The following CEP70 variants were observed in gnomAD, a reference collection of about 807,000 sequenced individuals.
CEP70 encodes the protein centrosomal protein 70, also known as centrosomal protein of 70 kDa.
A neutral mutation model predicts 90.9 loss-of-function variants in CEP70; 70 were observed. The ratio of observed to expected loss-of-function variants is 0.77; its 90% CI spans 0.64 to 0.94. The LOEUF (loss-of-function observed/expected upper bound fraction) is 0.94. Among genes scored for constraint, CEP70 ranks in the 40% least tolerant of loss-of-function variants. CEP70 has a pLI of 0.00. For missense variants in CEP70, 648 were observed against 669.0 expected (o/e 0.97, Z 0.35); for synonymous variants, 220 against 228.3 (o/e 0.96, Z 0.33).
intron 6 of CEP70, among the ~76,000 whole-genome samples, chr3:138,543,910 A>G (rs549527260): frequency 6.6e-6 from 1 of 152,108 alleles, no homozygotes; most frequent in African/African-American, 2.4e-5. Context: ...ACAAAAAGTC[A>G]TAATATGATG....
At chr3:138,507,348 C>T (rs978204602) in intron 12 of CEP70, among the ~76,000 whole-genome samples, 1 of 152,080 alleles carries the variant, frequency 6.6e-6, no homozygotes, top group African/African-American at 2.4e-5. Flanking sequence ...GTCATTTCTC[C>T]AAATATTAAT....
Position 138,594,234 on chromosome 3 carries a change from G to C in CEP70, c.-145C>G. On this transcript the variant is annotated 5_prime_UTR_variant, in exon 1 of 18. Coordinates refer to ENST00000264982, the MANE Select transcript of CEP70 (RefSeq NM_024491.4). ...GCCGGCCTCCCACCAGCAGCCAGCC[G>C]GGCCAGGTTAGGCTGGGATCAGCTA... The C allele has an allele frequency of 6.6e-6, 1 of 152,446 alleles. No homozygotes were observed. Among genetic ancestry groups the C allele is most frequent in the African/African-American group, 2.4e-5 (1 of 41,464 alleles). The allele number at this position is 152,446 out of a possible 1,614,324, so 9.4% of individuals were successfully genotyped here.
In CEP70 at chr3:138,573,078, G is replaced by A. The variant is rs949992527; in HGVS notation, c.-5-146C>T. The A allele has an allele frequency of 2.1e-5, 13 of 615,206 alleles. No individual in the cohort carries two copies. The Admixed American group carries it at 3.3e-4, about 15-fold the overall frequency. The allele number at this position is 615,206 out of a possible 1,614,324, so 38.1% of individuals were successfully genotyped here. The stretch of plus-strand genomic sequence containing the variant: ...TTGCAGGGCAATTCAGGTCATTCCT[G>A]CGTCAAAACTTTGTGACTTCTTAGA... On this transcript the variant is annotated intron_variant, in intron 2 of 17. Transcript: ENST00000264982.
chr3:138,529,604 G>A, intron 8 of CEP70, 142 bp from the exon 9 acceptor site: 1 of 615,304 alleles, frequency 1.6e-6, no homozygotes, highest in Non-Finnish European at 2.8e-6. Context: ...ATAGAGAATG[G>A]TATTAGAACA....
chr3:138,540,375 C>T (rs1307515459), intron 6 of CEP70, among the ~76,000 whole-genome samples: 1 of 151,800 alleles, frequency 6.6e-6, no homozygotes, highest in Non-Finnish European at 1.5e-5. Context: ...CCTGTAGTCC[C>T]AGCTACTCAG....
At chr3:138,515,725 C>T (rs12635354) in intron 11 of CEP70, among the ~76,000 whole-genome samples, 6,142 of 152,096 alleles carry the variant, frequency 0.04, 449 homozygotes, top group East Asian at 0.37. Flanking sequence ...TGAAGACTAT[C>T]TATCTCTACG....
At chr3:138,541,051 T>C (rs1187563220) in intron 6 of CEP70, among the ~76,000 whole-genome samples, 1 of 152,112 alleles carries the variant, frequency 6.6e-6, no homozygotes, top group Non-Finnish European at 1.5e-5. Flanking sequence ...TGAGAACTTA[T>C]GAACACAAAG....
intron 2 of CEP70, among the ~76,000 whole-genome samples, chr3:138,586,833 A>G (rs1576957779): frequency 6.6e-6 from 1 of 152,222 alleles, no homozygotes; most frequent in Non-Finnish European, 1.5e-5. Flanking sequence ...AAAGAGAATA[A>G]TTGGATTGTT....
chr3:138,511,763 T>C (rs1214453918), intron 11 of CEP70, among the ~76,000 whole-genome samples: 1 of 152,218 alleles, frequency 6.6e-6, no homozygotes, highest in Non-Finnish European at 1.5e-5. Flanking sequence ...CTAAGCACTT[T>C]ACATGTATTC....
Position 138,537,311 on chromosome 3 carries a change from G to T in CEP70, c.502C>A (p.Gln168Lys), listed in dbSNP as rs768983352. 3.1e-6 allele frequency: 5 copies of T among 1,599,202 alleles called. No individual in the cohort carries two copies. In the Admixed American group the frequency reaches 8.9e-5, roughly 28 times the overall value. The change falls in exon 7 of 18, where the codon CAA (glutamine) becomes AAA (lysine). Residue 168 changes from glutamine (Q) to lysine (K), a missense_variant. Gln to Lys is a moderately conservative substitution (Grantham distance 53). Coordinates refer to ENST00000264982, the MANE Select transcript of CEP70 (RefSeq NM_024491.4). ...TGCAAAGAAGCAATAGTTTCTTCTT[G>T]CTCCGTTCGTTTTTTCTTATAATGC... is the stretch of plus-strand genomic sequence containing the variant. ...CQHYKKKRTE[Q>K]EETIASLQME... is the part of the protein sequence containing the mutation.
chr3:138,540,998 A>T (rs921232720), intron 6 of CEP70, among the ~76,000 whole-genome samples: 1 of 152,240 alleles, frequency 6.6e-6, no homozygotes, highest in African/African-American at 2.4e-5. Context: ...AGAACAGAAA[A>T]CCAAATACTA....
At chr3:138,520,913 A>G (rs1481334196) in intron 11 of CEP70, among the ~76,000 whole-genome samples, 1 of 152,024 alleles carries the variant, frequency 6.6e-6, no homozygotes, top group Non-Finnish European at 1.5e-5. Flanking sequence ...TCCCTGCCTG[A>G]TTCTCCTGCC....
intron 12 of CEP70, among the ~76,000 whole-genome samples, chr3:138,507,954 AC>A: frequency 6.6e-6 from 1 of 152,198 alleles, no homozygotes; most frequent in East Asian, 1.9e-4. Context: ...CAGTCACTAA[AC>A]TACCAGGTTT....
chr3:138,519,710 A>G (rs1478628223), intron 11 of CEP70, among the ~76,000 whole-genome samples: 1 of 152,232 alleles, frequency 6.6e-6, no homozygotes, highest in East Asian at 1.9e-4. Flanking sequence ...AACAACCGGT[A>G]CCAGCCACTG....
At chr3:138,529,527 C>G in intron 8 of CEP70, 65 bp from the exon 9 acceptor site, 1 of 919,586 alleles carries the variant, frequency 1.1e-6, no homozygotes, top group Non-Finnish European at 1.7e-6. Flanking sequence ...ACTAATTAAA[C>G]CAATGTAATG....
chr3:138,530,696 G>A (rs1212952910), intron 8 of CEP70: 4 of 985,168 alleles, frequency 4.1e-6, no homozygotes, highest in Non-Finnish European at 4.8e-6. Flanking sequence ...TCCAAATCTT[G>A]GCCTGGCTTC....
chr3:138,569,007 CA>C (rs1397556620), intron 6 of CEP70, among the ~76,000 whole-genome samples: 1 of 148,650 alleles, frequency 6.7e-6, no homozygotes, highest in East Asian at 2.0e-4. Flanking sequence ...AAAAAAAACA[CA>C]AAAAAAAACA....
chr3:138,558,697 G>A (rs2040194533), intron 6 of CEP70, among the ~76,000 whole-genome samples: 1 of 152,144 alleles, frequency 6.6e-6, no homozygotes, highest in Non-Finnish European at 1.5e-5. Flanking sequence ...ACACCTAGAT[G>A]TCTACCAGAA....
At chr3:138,564,217 AC>A (rs2040617352) in intron 6 of CEP70, among the ~76,000 whole-genome samples, 1 of 152,176 alleles carries the variant, frequency 6.6e-6, no homozygotes, top group Admixed American at 6.5e-5. Context: ...TAGCCTACCA[AC>A]CAAAAAAAGT....
Sources: gnomAD v4.1 joint callset for allele counts (sites outside exome capture counted in the v4.1 genomes callset) on GRCh38, gnomAD v4.1.1 for gene constraint, MANE v1.5 for transcripts, NCBI Gene and HGNC (gene_info 2026-07-23, HGNC 2026-07-21) for gene names.